PHLPP1: variants seen among roughly 807,000 people sequenced by gnomAD.
PHLPP1 encodes the protein PH domain and leucine rich repeat protein phosphatase 1, also known as PH domain leucine-rich repeat-containing protein phosphatase 1.
PHLPP1 carries 42 observed loss-of-function variants against 117.2 expected under a neutral mutation model. The ratio of observed to expected loss-of-function variants is 0.36; its 90% CI spans 0.28 to 0.46. PHLPP1 has a LOEUF of 0.46. Ranked by LOEUF, PHLPP1 falls within the 20% of genes least tolerant of loss-of-function variation. The pLI is 1.00. For synonymous variants in PHLPP1, 1,042 were observed against 970.7 expected (o/e 1.07, Z -1.37); for missense variants, 2,084 against 2,241.9 (o/e 0.93, Z 1.42).
chr18:62,962,789 T>C (rs1285353901), intron 13 of PHLPP1, among the ~76,000 whole-genome samples: 1 of 149,462 alleles, frequency 6.7e-6, no homozygotes, highest in Non-Finnish European at 1.5e-5. Context: ...ATTTTACATA[T>C]ATGTTTTATT....
At chr18:62,803,688 A>AT (rs1913851716) in intron 1 of PHLPP1, among the ~76,000 whole-genome samples, 1 of 151,964 alleles carries the variant, frequency 6.6e-6, no homozygotes, top group Non-Finnish European at 1.5e-5. Context: ...ATTTACATGT[A>AT]TTTTTTTGCT....
At chr18:62,880,595 A>G (rs1916152650) in intron 4 of PHLPP1, among the ~76,000 whole-genome samples, 1 of 152,116 alleles carries the variant, frequency 6.6e-6, no homozygotes, top group Non-Finnish European at 1.5e-5. Context: ...TTGGCAATTA[A>G]TGGGCTAACT....
intron 6 of PHLPP1, among the ~76,000 whole-genome samples, chr18:62,898,205 C>G (rs1283274090): frequency 6.6e-6 from 1 of 152,202 alleles, no homozygotes; most frequent in Non-Finnish European, 1.5e-5. Flanking sequence ...TCCACTTAAG[C>G]TGCCAGCTGG....
chr18:62,778,923 G>T (rs914631211), intron 1 of PHLPP1, among the ~76,000 whole-genome samples: 1 of 152,238 alleles, frequency 6.6e-6, no homozygotes, highest in Admixed American at 6.5e-5. Flanking sequence ...GTCCCACAAG[G>T]TTAGCCGTAG....
chr18:62,938,185 C>T (rs1910028585), intron 10 of PHLPP1, among the ~76,000 whole-genome samples: 1 of 152,118 alleles, frequency 6.6e-6, no homozygotes, highest in Non-Finnish European at 1.5e-5. Context: ...GCACATTAAA[C>T]CATCTTTTTT....
intron 1 of PHLPP1, among the ~76,000 whole-genome samples, chr18:62,758,375 C>G (rs1172581914): frequency 6.6e-6 from 1 of 152,118 alleles, no homozygotes; most frequent in African/African-American, 2.4e-5. Flanking sequence ...AGCTAAGTAA[C>G]TTGGTGAAGA....
intron 13 of PHLPP1, among the ~76,000 whole-genome samples, chr18:62,961,689 T>A (rs1910773997): frequency 6.6e-6 from 1 of 152,220 alleles, no homozygotes; most frequent in Non-Finnish European, 1.5e-5. Context: ...GTCCTTTTTT[T>A]TGTTAATGCC....
At chr18:62,866,186 G>C (rs1915766691) in intron 4 of PHLPP1, among the ~76,000 whole-genome samples, 3 of 151,824 alleles carry the variant, frequency 2.0e-5, no homozygotes, top group Admixed American at 2.0e-4. Flanking sequence ...AACTATATCT[G>C]TAACGTTTAT....
At chr18:62,836,627 C>T (rs1269162822) in intron 2 of PHLPP1, among the ~76,000 whole-genome samples, 2 of 150,806 alleles carry the variant, frequency 1.3e-5, no homozygotes, top group East Asian at 1.9e-4. Flanking sequence ...GGGGTGTTTT[C>T]CTTCATTTTT....
intron 10 of PHLPP1, among the ~76,000 whole-genome samples, chr18:62,932,724 C>G (rs1435064226): frequency 2.0e-5 from 3 of 152,208 alleles, no homozygotes; most frequent in African/African-American, 7.2e-5. Context: ...TATGCCTACT[C>G]TCACCACTCC....
intron 1 of PHLPP1, among the ~76,000 whole-genome samples, chr18:62,821,594 A>G (rs541396809): frequency 1.4e-3 from 212 of 150,660 alleles, no homozygotes; most frequent in African/African-American, 5.0e-3. Context: ...GAAAAAGAAG[A>G]TCAGTGAATA....
chr18:62,918,658 G>A (rs1909372718), intron 9 of PHLPP1, among the ~76,000 whole-genome samples: 1 of 152,014 alleles, frequency 6.6e-6, no homozygotes, highest in African/African-American at 2.4e-5. Flanking sequence ...AACTCCATTT[G>A]CTATTTAAAG....
chr18:62,846,528 C>A (rs1915187373), intron 3 of PHLPP1, among the ~76,000 whole-genome samples: 1 of 150,848 alleles, frequency 6.6e-6, no homozygotes, highest in Non-Finnish European at 1.5e-5. Context: ...GATCATATCA[C>A]ACATGTCTGA....
At chr18:62,851,912 T>C (rs964550784) in intron 3 of PHLPP1, among the ~76,000 whole-genome samples, 3 of 152,260 alleles carry the variant, frequency 2.0e-5, no homozygotes, top group South Asian at 4.1e-4. Flanking sequence ...GATCTCCCTC[T>C]GTCACCCATG....
intron 11 of PHLPP1, among the ~76,000 whole-genome samples, chr18:62,944,319 T>A (rs1156770327): frequency 6.6e-6 from 1 of 152,232 alleles, no homozygotes; most frequent in African/African-American, 2.4e-5. Flanking sequence ...CAAGAAACCC[T>A]GATTCTGGAA....
intron 9 of PHLPP1, among the ~76,000 whole-genome samples, chr18:62,916,626 G>GTT: frequency 6.6e-6 from 1 of 151,278 alleles, no homozygotes. Flanking sequence ...GTGTGTGTGT[G>GTT]TGTGTCCATG....
At chr18:62,829,945 C>T (rs1914710791) in intron 1 of PHLPP1, 90 bp from the exon 2 acceptor site, 2 of 814,078 alleles carry the variant, frequency 2.5e-6, no homozygotes, top group African/African-American at 1.7e-5. Context: ...GAATTATTCC[C>T]TTGTTGTCCA....
intron 4 of PHLPP1, among the ~76,000 whole-genome samples, chr18:62,876,332 C>T (rs981446094): frequency 6.6e-6 from 1 of 152,170 alleles, no homozygotes; most frequent in African/African-American, 2.4e-5. Flanking sequence ...ACCTGCCGAA[C>T]CCAGGCTCAA....
intron 1 of PHLPP1, among the ~76,000 whole-genome samples, chr18:62,749,247 T>A (rs551456022): frequency 0.021 from 3,157 of 150,562 alleles, 54 homozygotes; most frequent in Non-Finnish European, 0.034. Flanking sequence ...TTTTTTTTTT[T>A]AAATTTAAGT....
Sources: gnomAD v4.1 joint callset for allele counts (sites outside exome capture counted in the v4.1 genomes callset) on GRCh38, gnomAD v4.1.1 for gene constraint, MANE v1.5 for transcripts, NCBI Gene and HGNC (gene_info 2026-07-23, HGNC 2026-07-21) for gene names.